The following ENTPD5 variants were observed in gnomAD, a reference collection of about 807,000 sequenced individuals.
ENTPD5 encodes nucleoside diphosphate phosphatase ENTPD5.
A neutral mutation model predicts 60.2 loss-of-function variants in ENTPD5; 49 were observed. The observed-to-expected ratio is 0.81, with a 90% CI of 0.65 to 1.03. The LOEUF (loss-of-function observed/expected upper bound fraction) is 1.03. ENTPD5 is among the 50% of genes least tolerant of loss of function. The pLI is 0.00. For synonymous variants in ENTPD5, 187 were observed against 185.4 expected, an observed-to-expected ratio of 1.01 and a Z score of -0.07; for missense variants, 480 against 507.6, an observed-to-expected ratio of 0.95 and a Z score of 0.52.
chr14:74,002,418 A>G (rs980113071), intron 3 of ENTPD5, among the ~76,000 whole-genome samples: 2 of 152,106 alleles, frequency 1.3e-5, no homozygotes, highest in South Asian at 2.1e-4. Context: ...ACCTTCTTAC[A>G]TAAAATCAAG....
At chr14:73,990,063 T>C (rs940274390) in intron 3 of ENTPD5, among the ~76,000 whole-genome samples, 1 of 151,976 alleles carries the variant, frequency 6.6e-6, no homozygotes. Context: ...CACATGCCTA[T>C]AGTCCCAGGT....
intron 15 of ENTPD5, among the ~76,000 whole-genome samples, chr14:73,969,691 C>T (rs1285028409): frequency 8.6e-5 from 13 of 150,680 alleles, no homozygotes; most frequent in African/African-American, 9.8e-5. Flanking sequence ...GAAACAAGAG[C>T]GAGACTCCAT....
Position 73,966,843 on chromosome 14 carries a change from C to T in ENTPD5, c.*85G>A, listed in dbSNP as rs1215273083. Reference sequence around the variant, plus strand: ...ATCTCTAGGCTCAAGTCCAGGATGTCCCCAGACTAGTTCAGAAACTAAGTG... The same window carrying T: ...ATCTCTAGGCTCAAGTCCAGGATGTTCCCAGACTAGTTCAGAAACTAAGTG... On this transcript the variant is annotated 3_prime_UTR_variant, in exon 16 of 16. Transcript: ENST00000334696. 14 of 1,022,688 alleles carry T rather than the reference C, an allele frequency of 1.4e-5. No homozygotes were observed. Among genetic ancestry groups the T allele is most frequent in the Non-Finnish European group, 1.8e-5 (12 of 652,770 alleles). 63.4% of individuals were successfully genotyped at this position (1,022,688 alleles called of 1,614,324 possible).
At chr14:73,993,167 T>A (rs2058207659) in intron 3 of ENTPD5, among the ~76,000 whole-genome samples, 1 of 151,992 alleles carries the variant, frequency 6.6e-6, no homozygotes, top group South Asian at 2.1e-4. Flanking sequence ...TGAAACCCCA[T>A]CTCTACCAAA....
chr14:73,996,135 C>T (rs2140738437), intron 3 of ENTPD5: 20 of 985,344 alleles, frequency 2.0e-5, no homozygotes, highest in Non-Finnish European at 2.4e-5. Flanking sequence ...TTCCCTGAGT[C>T]CTTGCTTTCG....
chr14:73,956,132 G>A (rs529549834), downstream of ENTPD5: 13 of 550,800 alleles, frequency 2.4e-5, no homozygotes, highest in East Asian at 3.7e-5. Flanking sequence ...AGACCATCCT[G>A]GCTAACATGG....
intron 3 of ENTPD5, among the ~76,000 whole-genome samples, chr14:73,998,784 A>G (rs1235594734): frequency 1.3e-5 from 2 of 152,110 alleles, no homozygotes; most frequent in African/African-American, 4.8e-5. Context: ...GAATCAAGAC[A>G]CGGATGTGGA....
At chr14:74,002,089 T>C (rs1226640829) in intron 3 of ENTPD5, among the ~76,000 whole-genome samples, 4 of 152,310 alleles carry the variant, frequency 2.6e-5, no homozygotes, top group East Asian at 1.9e-4. Flanking sequence ...GATTAGCTCA[T>C]TTAATCTCAC....
downstream of ENTPD5, chr14:73,959,259 A>C (rs772524163): frequency 1.9e-6 from 3 of 1,614,102 alleles, no homozygotes; most frequent in East Asian, 4.5e-5. Flanking sequence ...GCCCACATGC[A>C]TGCAAGCCTT....
At position 73,963,528 on chromosome 14, in the gene ENTPD5, T is replaced by TATC. The variant is rs1287758000; in HGVS notation, c.*3397_*3399dup. ...GTCTCATTAATGCTAGTTATTACTTTATCACAGCACCAGATTTCCATTTTA... is the reference window on the plus strand; with the variant it reads ...GTCTCATTAATGCTAGTTATTACTTTATCATCACAGCACCAGATTTCCATTTTA... On this transcript the variant is annotated 3_prime_UTR_variant, in exon 16 of 16. Transcript: ENST00000334696. 1 of 163,484 alleles carries TATC rather than the reference T, an allele frequency of 6.1e-6. No homozygotes were observed. The highest frequency in any genetic ancestry group is 2.4e-5 in the African/African-American group (1 of 41,552). 10.1% of individuals were successfully genotyped at this position (163,484 alleles called of 1,614,324 possible). A position where few individuals can be genotyped will look rare whatever the true frequency, so the allele number is the denominator to read the frequency against.
chr14:73,974,914 C>T lies in ENTPD5; in HGVS notation c.784+10G>A, dbSNP rs2057376002. 3 of 1,610,842 alleles carry T rather than the reference C, an allele frequency of 1.9e-6. No individual in the cohort carries two copies. The highest frequency in any genetic ancestry group is 2.5e-6 in the Non-Finnish European group (3 of 1,177,386). On this transcript the variant is annotated intron_variant, in intron 11 of 15. Coordinates refer to ENST00000334696, the MANE Select transcript of ENTPD5 (RefSeq NM_001249.5). ...CACCATCCCCCCCCAGCACAGGTAC[C>T]CAGACAAACCTTCTGTCTCCAGGGC...
In ENTPD5 at chr14:73,969,692, G is replaced by A. The variant is rs191913317; in HGVS notation, c.1200+318C>T. On this transcript the variant is annotated intron_variant, in intron 15 of 15. Coordinates refer to ENST00000334696, the MANE Select transcript of ENTPD5 (RefSeq NM_001249.5). ...GCACTCCAGCCCAGGAAACAAGAGCGAGACTCCATCTCAAAAAAATAATAA... is the reference window on the plus strand; with the variant it reads ...GCACTCCAGCCCAGGAAACAAGAGCAAGACTCCATCTCAAAAAAATAATAA... 4.2e-3 allele frequency among the ~76,000 whole-genome samples: 627 copies of A among 150,538 alleles called. 5 individuals are homozygous for A. The highest frequency in any genetic ancestry group is 0.015 in the African/African-American group (597 of 41,098).
chr14:74,001,285 G>A (rs2058497614), intron 3 of ENTPD5, among the ~76,000 whole-genome samples: 3 of 152,122 alleles, frequency 2.0e-5, no homozygotes, highest in Admixed American at 1.3e-4. Flanking sequence ...AGCGGATCAC[G>A]AGGTCAAGAG....
At chr14:73,956,688 G>T (rs1252542582), downstream of ENTPD5, 1 of 152,026 alleles carries the variant, frequency 6.6e-6, no homozygotes, top group Non-Finnish European at 1.5e-5. Context: ...AAAATATTTT[G>T]CCTGTTTTTA....
intron 3 of ENTPD5, among the ~76,000 whole-genome samples, chr14:73,993,914 G>GA (rs1378090479): frequency 2.0e-5 from 2 of 98,110 alleles, no homozygotes; most frequent in East Asian, 6.4e-4. Flanking sequence ...CTGTTTTCAC[G>GA]AAAAAACAAA....
At position 73,966,955 on chromosome 14, in the gene ENTPD5, C is replaced by T. The variant is rs2056997689; in HGVS notation, c.1260G>A (p.Leu420=). The part of the protein sequence containing the change: ...TGWALGATFH[L]LQSLGISH ...AATGGGAGATGCCCAGAGACTGCAA[C>T]AGGTGAAAGGTGGCCCCCAAGGCCC... The change falls in exon 16 of 16, where the codon CTG becomes CTA. Residue 420 remains leucine, a synonymous_variant. Coordinates refer to ENST00000334696, the MANE Select transcript of ENTPD5 (RefSeq NM_001249.5). The T allele has an allele frequency of 6.2e-7, 1 of 1,614,168 alleles. No homozygotes were observed. Among genetic ancestry groups the T allele is most frequent in the Non-Finnish European group, 8.5e-7 (1 of 1,179,998 alleles).
intron 5 of ENTPD5, among the ~76,000 whole-genome samples, chr14:73,983,866 T>C (rs964772128): frequency 3.3e-5 from 5 of 151,354 alleles, no homozygotes; most frequent in African/African-American, 9.7e-5. Context: ...AATTTTTGTA[T>C]TTTTAGTAGA....
chr14:74,005,925 A>C (rs540546752), intron 3 of ENTPD5, among the ~76,000 whole-genome samples: 1 of 152,350 alleles, frequency 6.6e-6, no homozygotes, highest in South Asian at 2.1e-4. Context: ...AAAGAATTAA[A>C]GTCAGAAAAA....
At position 73,983,211 on chromosome 14, in the gene ENTPD5, G is replaced by A. The variant is rs1329735990; in HGVS notation, c.298-50C>T. On this transcript the variant is annotated intron_variant, in intron 5 of 15. Coordinates refer to ENST00000334696, the MANE Select transcript of ENTPD5 (RefSeq NM_001249.5). Reference sequence around the variant, plus strand: ...CTGATGAACGATCCATTTAGTGGCTGGCACTGGTCTATTCTGTCAACATAC... The same window carrying A: ...CTGATGAACGATCCATTTAGTGGCTAGCACTGGTCTATTCTGTCAACATAC... 17 of 1,567,360 alleles carry A rather than the reference G, an allele frequency of 1.1e-5. No homozygotes were observed. The Admixed American group carries it at 3.0e-4, about 28-fold the overall frequency.
Sources: gnomAD v4.1 joint callset for allele counts (sites outside exome capture counted in the v4.1 genomes callset) on GRCh38, gnomAD v4.1.1 for gene constraint, MANE v1.5 for transcripts, NCBI Gene and HGNC (gene_info 2026-07-23, HGNC 2026-07-21) for gene names.